Variants in AKT3 observed in about 807,000 individuals in gnomAD.
The protein encoded by AKT3 is AKT serine/threonine kinase 3, also known as RAC-gamma serine/threonine-protein kinase.
AKT3 carries 15 observed loss-of-function variants against 65.3 expected under a neutral mutation model. The observed-to-expected ratio is 0.23, with a 90% CI of 0.15 to 0.35. The LOEUF (loss-of-function observed/expected upper bound fraction) is 0.35. Ranked by LOEUF, AKT3 falls within the 10% of genes least tolerant of loss-of-function variation. The pLI, the probability that AKT3 is intolerant of heterozygous loss-of-function variation, is 1.00. For missense variants in AKT3, 243 were observed against 576.5 expected, an observed-to-expected ratio of 0.42 and a Z score of 5.92; for synonymous variants, 206 against 183.8, an observed-to-expected ratio of 1.12 and a Z score of -0.98.
chr1:243,720,000 A>C (rs1469982502), intron 2 of AKT3, among the ~76,000 whole-genome samples: 1 of 152,172 alleles, frequency 6.6e-6, no homozygotes, highest in Non-Finnish European at 1.5e-5. Context: ...GAGACATAAG[A>C]AATGAAAGCA....
intron 2 of AKT3, among the ~76,000 whole-genome samples, chr1:243,734,667 T>C (rs1687745512): frequency 6.6e-6 from 1 of 152,222 alleles, no homozygotes; most frequent in South Asian, 2.1e-4. Context: ...AGTATATTAC[T>C]GTAGACTACT....
chr1:243,845,188 A>G (rs1440801899), intron 1 of AKT3, among the ~76,000 whole-genome samples: 1 of 152,104 alleles, frequency 6.6e-6, no homozygotes, highest in African/African-American at 2.4e-5. Flanking sequence ...TTCTCTAGAC[A>G]GCCTGACTAA....
At chr1:243,841,267 T>G (rs1396280333) in intron 2 of AKT3, among the ~76,000 whole-genome samples, 1 of 152,168 alleles carries the variant, frequency 6.6e-6, no homozygotes, top group African/African-American at 2.4e-5. Context: ...AGAATCATCC[T>G]AAACCTTTGA....
intron 8 of AKT3, among the ~76,000 whole-genome samples, chr1:243,579,252 C>G (rs1319360402): frequency 6.6e-6 from 1 of 152,094 alleles, no homozygotes; most frequent in African/African-American, 2.4e-5. Flanking sequence ...TTTGCAAGTT[C>G]ATGAAGGTAG....
At chr1:243,725,271 G>C (rs1357387355) in intron 2 of AKT3, among the ~76,000 whole-genome samples, 1 of 152,052 alleles carries the variant, frequency 6.6e-6, no homozygotes, top group Non-Finnish European at 1.5e-5. Flanking sequence ...AGTGTTGACA[G>C]TTTCAGAAGG....
intron 2 of AKT3, among the ~76,000 whole-genome samples, chr1:243,774,822 T>C (rs925883685): frequency 4.6e-5 from 7 of 152,166 alleles, no homozygotes; most frequent in African/African-American, 1.7e-4. Flanking sequence ...TATTTACAGA[T>C]TTCACCAAGA....
chr1:243,550,316 T>C (rs1672959248), intron 11 of AKT3, among the ~76,000 whole-genome samples: 1 of 152,162 alleles, frequency 6.6e-6, no homozygotes, highest in African/African-American at 2.4e-5. Context: ...TACTGCATCT[T>C]CTCATTAGAT....
At chr1:243,546,105 T>C (rs892567291) in intron 11 of AKT3, among the ~76,000 whole-genome samples, 9 of 152,154 alleles carry the variant, frequency 5.9e-5, no homozygotes, top group African/African-American at 2.2e-4. Flanking sequence ...CTCATGATAG[T>C]CAATAAGTCT....
chr1:243,522,645 TAA>T (rs1390223025), intron 12 of AKT3, among the ~76,000 whole-genome samples: 1 of 151,356 alleles, frequency 6.6e-6, no homozygotes, highest in Non-Finnish European at 1.5e-5. Context: ...CTCAAAAATT[TAA>T]AAAAGAAAAG....
At chr1:243,606,967 C>T (rs992424439) in intron 8 of AKT3, among the ~76,000 whole-genome samples, 8 of 152,254 alleles carry the variant, frequency 5.3e-5, no homozygotes, top group Non-Finnish European at 1.2e-4. Flanking sequence ...TTGGCAGCTT[C>T]CATGTGGTGT....
At chr1:243,526,732 C>T (rs9428579) in intron 12 of AKT3, among the ~76,000 whole-genome samples, 32,369 of 120,466 alleles carry the variant, frequency 0.27, 4,756 homozygotes, top group African/African-American at 0.47. Flanking sequence ...AGACATCATC[C>T]CATAAAAGAA....
chr1:243,669,851 T>G (rs1683049070), intron 3 of AKT3, among the ~76,000 whole-genome samples: 1 of 152,082 alleles, frequency 6.6e-6, no homozygotes, highest in South Asian at 2.1e-4. Context: ...TATAGAGTGG[T>G]TTGGAAAAAT....
At chr1:243,606,837 C>T (rs748983645) in intron 8 of AKT3, among the ~76,000 whole-genome samples, 4 of 152,222 alleles carry the variant, frequency 2.6e-5, no homozygotes, top group Admixed American at 6.5e-5. Context: ...CCCCCCAACC[C>T]GGCTCTGTGC....
intron 2 of AKT3, among the ~76,000 whole-genome samples, chr1:243,799,767 GA>G (rs879696074): frequency 1.3e-5 from 2 of 151,978 alleles, no homozygotes; most frequent in Non-Finnish European, 2.9e-5. Flanking sequence ...TGTTACTTAA[GA>G]AAAAATAAAA....
chr1:243,576,182 A>G (rs1674928866), intron 8 of AKT3, among the ~76,000 whole-genome samples: 1 of 152,194 alleles, frequency 6.6e-6, no homozygotes, highest in African/African-American at 2.4e-5. Flanking sequence ...AAAAAATTCA[A>G]CATCGCTTCA....
At chr1:243,840,095 C>T (rs960346916) in intron 2 of AKT3, among the ~76,000 whole-genome samples, 2 of 151,990 alleles carry the variant, frequency 1.3e-5, no homozygotes, top group Non-Finnish European at 1.5e-5. Context: ...CACTTGAACA[C>T]GGGAGGCGGA....
intron 3 of AKT3, among the ~76,000 whole-genome samples, chr1:243,672,694 C>T (rs559740038): frequency 7.9e-5 from 12 of 152,284 alleles, no homozygotes; most frequent in African/African-American, 2.6e-4. Flanking sequence ...TTTGAAGTCA[C>T]GATATGTTAA....
chr1:243,623,769 G>A (rs1382456910), intron 6 of AKT3, among the ~76,000 whole-genome samples: 1 of 152,164 alleles, frequency 6.6e-6, no homozygotes, highest in African/African-American at 2.4e-5. Flanking sequence ...CCAGCTTCCA[G>A]ATGGCCTGTC....
At chr1:243,673,938 T>G (rs571604670) in intron 3 of AKT3, among the ~76,000 whole-genome samples, 53 of 152,282 alleles carry the variant, frequency 3.5e-4, no homozygotes, top group Non-Finnish European at 6.9e-4. Context: ...CTATTTATAT[T>G]TGAAACATGA....
Sources: gnomAD v4.1 joint callset for allele counts (sites outside exome capture counted in the v4.1 genomes callset) on GRCh38, gnomAD v4.1.1 for gene constraint, MANE v1.5 for transcripts, NCBI Gene and HGNC (gene_info 2026-07-23, HGNC 2026-07-21) for gene names.